The following RPS6KA3 variants were observed in gnomAD, a reference collection of about 807,000 sequenced individuals.
The protein encoded by RPS6KA3 is ribosomal protein S6 kinase alpha-3.
RPS6KA3 carries 4 observed loss-of-function variants against 67.2 expected under a neutral mutation model. The observed-to-expected ratio is 0.06, with a 90% confidence interval of 0.03 to 0.14. The LOEUF (loss-of-function observed/expected upper bound fraction) is 0.14, where lower values mean the gene tolerates loss of function less well. Ranked by LOEUF, RPS6KA3 falls within the 10% of genes least tolerant of loss-of-function variation. The probability of loss-of-function intolerance (pLI) is 1.00; values close to 1 mark genes in which losing one functional copy is unlikely to be tolerated. For missense variants in RPS6KA3, 204 were observed against 559.0 expected, an observed-to-expected ratio of 0.36 and a Z score of 6.40; for synonymous variants, 182 against 183.7, an observed-to-expected ratio of 0.99 and a Z score of 0.07.
intron 14 of RPS6KA3, 70 bp from the exon 15 acceptor site, chrX:20,172,941 T>A: frequency 1.1e-6 from 1 of 938,415 alleles, no homozygotes; most frequent in Non-Finnish European, 1.5e-6. Flanking sequence ...GGGAAGTATG[T>A]TACTCAGCAT....
intron 10 of RPS6KA3, among the ~76,000 whole-genome samples, chrX:20,178,486 T>G (rs961339226): frequency 1.9e-5 from 2 of 105,926 alleles, no homozygotes; most frequent in Non-Finnish European, 3.9e-5. Flanking sequence ...AATCAGTTTT[T>G]TTTTTTTTTT....
intron 1 of RPS6KA3, among the ~76,000 whole-genome samples, chrX:20,262,398 G>A (rs1460291668): frequency 8.9e-6 from 1 of 111,814 alleles, no homozygotes; most frequent in East Asian, 2.8e-4. Flanking sequence ...TATGCCACCT[G>A]TCTTATTAAA....
At chrX:20,237,367 C>T (rs1254982113) in intron 1 of RPS6KA3, among the ~76,000 whole-genome samples, 1 of 111,598 alleles carries the variant, frequency 9.0e-6, no homozygotes. Context: ...GCTACACGTA[C>T]GTTTTTCATA....
At position 20,175,177 on chromosome X, in the gene RPS6KA3, T is replaced by C; in HGVS notation, c.1214A>G (p.His405Arg). 3.3e-6 allele frequency: 4 copies of C among 1,207,182 alleles called. No homozygotes were observed. Among genetic ancestry groups the C allele is most frequent in the East Asian group, 3.0e-5 (1 of 33,854 alleles). Residue 405 changes from histidine (H) to arginine (R), a missense_variant, in exon 14 of 22, where the codon CAT becomes CGT. His to Arg is a conservative substitution (Grantham distance 29). Coordinates refer to ENST00000379565, the MANE Select transcript of RPS6KA3 (RefSeq NM_004586.3). ...ESQAMQTVGV[H>R]SIVQQLHRNS... ...ACATCCACTCACCTGAACAATTGAATGTACACCAACTGTCTGCATAGCTTG... is the reference window on the plus strand; with the variant it reads ...ACATCCACTCACCTGAACAATTGAACGTACACCAACTGTCTGCATAGCTTG...
At chrX:20,241,440 G>A (rs200967627) in intron 1 of RPS6KA3, among the ~76,000 whole-genome samples, 1 of 96,266 alleles carries the variant, frequency 1.0e-5, no homozygotes, top group African/African-American at 3.8e-5. Flanking sequence ...AAAAAAAAAA[G>A]AAAGAAAGAA....
At chrX:20,170,395 A>T (rs1175175305) in intron 15 of RPS6KA3, among the ~76,000 whole-genome samples, 1 of 110,760 alleles carries the variant, frequency 9.0e-6, no homozygotes. Context: ...TCTGAAATGG[A>T]TTTATAGTTG....
intron 1 of RPS6KA3, among the ~76,000 whole-genome samples, chrX:20,235,690 A>G (rs1603430465): frequency 9.0e-6 from 1 of 111,704 alleles, no homozygotes; most frequent in Middle Eastern, 4.2e-3. Flanking sequence ...CGGGGGAGAG[A>G]GCACTCTGGA....
chrX:20,238,737 CA>C (rs2069477881), intron 1 of RPS6KA3, among the ~76,000 whole-genome samples: 1 of 111,366 alleles, frequency 9.0e-6, no homozygotes, highest in Admixed American at 9.5e-5. Context: ...ATTTTTAAAG[CA>C]GCGAGCCAAC....
intron 1 of RPS6KA3, among the ~76,000 whole-genome samples, chrX:20,235,680 C>T (rs1468105385): frequency 9.0e-6 from 1 of 111,019 alleles, no homozygotes; most frequent in Non-Finnish European, 1.9e-5. Flanking sequence ...AACGAGGGTA[C>T]GGGGGAGAGA....
chrX:20,189,242 T>C (rs1272695496), intron 7 of RPS6KA3, among the ~76,000 whole-genome samples: 1 of 111,995 alleles, frequency 8.9e-6, no homozygotes, highest in Admixed American at 9.5e-5. Context: ...TCTTCCCCAA[T>C]AAACTGTGAG....
chrX:20,161,196 G>A (rs1200953286), intron 20 of RPS6KA3, among the ~76,000 whole-genome samples: 2 of 112,073 alleles, frequency 1.8e-5, no homozygotes, highest in East Asian at 2.8e-4. Context: ...AATGAGGGCT[G>A]TGGAATCATA....
intron 3 of RPS6KA3, among the ~76,000 whole-genome samples, chrX:20,208,666 C>T (rs1213057237): frequency 9.0e-6 from 1 of 111,237 alleles, no homozygotes. Context: ...TGTAGTGAGC[C>T]GAGATCATGC....
At chrX:20,230,041 T>C (rs1241997248) in intron 2 of RPS6KA3, among the ~76,000 whole-genome samples, 1 of 112,740 alleles carries the variant, frequency 8.9e-6, no homozygotes, top group East Asian at 2.8e-4. Flanking sequence ...TAAATATATA[T>C]ACTACAGACT....
chrX:20,166,127 A>T (rs1248913831), intron 17 of RPS6KA3, among the ~76,000 whole-genome samples: 2 of 112,343 alleles, frequency 1.8e-5, no homozygotes, highest in Non-Finnish European at 3.8e-5. Flanking sequence ...CACAGAAAGC[A>T]AACTTGCAGA....
intron 1 of RPS6KA3, among the ~76,000 whole-genome samples, chrX:20,256,172 C>CAAAAAAA (rs35947983): frequency 1.5e-3 from 22 of 14,455 alleles, no homozygotes; most frequent in East Asian, 3.3e-3. Context: ...GACACCGTCT[C>CAAAAAAA]AAAAAAAAAA....
chrX:20,188,738 C>A (rs748867467), intron 7 of RPS6KA3, among the ~76,000 whole-genome samples: 1 of 112,565 alleles, frequency 8.9e-6, no homozygotes, highest in Admixed American at 9.4e-5. Context: ...ATGCCATAAA[C>A]TTGTATTAAT....
At chrX:20,252,975 T>A (rs1257359828) in intron 1 of RPS6KA3, among the ~76,000 whole-genome samples, 1 of 110,943 alleles carries the variant, frequency 9.0e-6, no homozygotes, top group East Asian at 2.8e-4. Flanking sequence ...TAAGTGTCAT[T>A]GCTTCTGGGT....
At chrX:20,191,270 T>C (rs1442077142) in intron 7 of RPS6KA3, among the ~76,000 whole-genome samples, 2 of 112,008 alleles carry the variant, frequency 1.8e-5, no homozygotes, top group Non-Finnish European at 3.8e-5. Flanking sequence ...CAGTCTATCA[T>C]TGATGGGCAT....
chrX:20,162,061 G>A lies in RPS6KA3; in HGVS notation c.1842-300C>T, dbSNP rs187489257. On this transcript the variant is annotated intron_variant, in intron 19 of 21. Coordinates refer to ENST00000379565, the MANE Select transcript of RPS6KA3 (RefSeq NM_004586.3). ...AAACATTAAGAAATAGTGTAGGCCA[G>A]GCACGGTGGCTCATGCCTGTAATCC... 7.5e-3 allele frequency among the ~76,000 whole-genome samples: 829 copies of A among 109,985 alleles called. 5 individuals carry two copies. Among genetic ancestry groups the A allele is most frequent in the Middle Eastern group, 0.014 (3 of 212 alleles).
Sources: gnomAD v4.1 joint callset for allele counts (sites outside exome capture counted in the v4.1 genomes callset) on GRCh38, gnomAD v4.1.1 for gene constraint, MANE v1.5 for transcripts, NCBI Gene and HGNC (gene_info 2026-07-23, HGNC 2026-07-21) for gene names.